Variants in TRDN observed in about 807,000 individuals in gnomAD.
TRDN encodes triadin in skeletal muscle.
In TRDN, 161 loss-of-function variants were observed where a neutral mutation model predicts 149.7. That is an observed-to-expected ratio of 1.08 (90% CI 0.95 to 1.23). The LOEUF (loss-of-function observed/expected upper bound fraction) is 1.23. TRDN is among the 50% of genes most tolerant of loss of function. TRDN has a pLI of 0.00. For missense variants in TRDN, 896 were observed against 823.5 expected (o/e 1.09, Z -1.08); for synonymous variants, 294 against 250.5 (o/e 1.17, Z -1.64).
chr6:123,268,464 A>T (rs1337741653), intron 31 of TRDN, among the ~76,000 whole-genome samples: 17 of 152,096 alleles, frequency 1.1e-4, no homozygotes, highest in Non-Finnish European at 2.4e-4. Context: ...AGTCAACCAT[A>T]TATGTGGGAT....
intron 1 of TRDN, among the ~76,000 whole-genome samples, chr6:123,628,693 A>C (rs1351597006): frequency 6.6e-6 from 1 of 152,126 alleles, no homozygotes; most frequent in Non-Finnish European, 1.5e-5. Flanking sequence ...ATGTTTTATA[A>C]TCTGTCCAGT....
intron 10 of TRDN, among the ~76,000 whole-genome samples, chr6:123,445,902 C>T (rs1256237365): frequency 7.2e-6 from 1 of 138,688 alleles, no homozygotes; most frequent in Admixed American, 7.1e-5. Context: ...ACCCAAAGGA[C>T]TATAAATCAT....
chr6:123,443,309 T>G (rs1363955532), intron 10 of TRDN, among the ~76,000 whole-genome samples: 2 of 151,502 alleles, frequency 1.3e-5, no homozygotes, highest in East Asian at 3.9e-4. Flanking sequence ...TTTTGAAAAT[T>G]AAAGCCTGAG....
At position 123,563,965 on chromosome 6, in the gene TRDN, C is replaced by T. The variant is rs530065271; in HGVS notation, c.232+6958G>A. On this transcript the variant is annotated intron_variant, in intron 2 of 40. Coordinates refer to ENST00000334268, the MANE Select transcript of TRDN (RefSeq NM_006073.4). The stretch of plus-strand genomic sequence containing the variant: ...TTAAAACAACAATAAAAACAATATC[C>T]GGTTTTACCACAATTTCAAAAGAGA... Among the ~76,000 whole-genome samples the T allele has an allele frequency of 7.2e-5, 11 of 152,210 alleles. 1 individual carries two copies. In the South Asian group the frequency reaches 1.2e-3, roughly 17 times the overall value.
intron 32 of TRDN, among the ~76,000 whole-genome samples, chr6:123,266,194 T>C (rs1353178421): frequency 1.2e-5 from 1 of 84,700 alleles, no homozygotes; most frequent in Non-Finnish European, 2.1e-5. Flanking sequence ...TATTATAATA[T>C]GTATTATATA....
chr6:123,581,328 T>G (rs1372481460), intron 1 of TRDN, among the ~76,000 whole-genome samples: 2 of 152,356 alleles, frequency 1.3e-5, no homozygotes, highest in East Asian at 3.9e-4. Context: ...TAGCATTTTT[T>G]GATGAATACT....
intron 10 of TRDN, among the ~76,000 whole-genome samples, chr6:123,459,266 C>A (rs889667552): frequency 6.6e-6 from 1 of 152,260 alleles, no homozygotes; most frequent in East Asian, 1.9e-4. Flanking sequence ...TTAATCAAGC[C>A]CCATGTCCTC....
At chr6:123,237,042 A>G (rs1287592055) in intron 38 of TRDN, among the ~76,000 whole-genome samples, 1 of 152,112 alleles carries the variant, frequency 6.6e-6, no homozygotes, top group African/African-American at 2.4e-5. Flanking sequence ...AATATGGTAT[A>G]GCTCTACTTA....
chr6:123,412,618 A>G (rs1307102902), intron 12 of TRDN, among the ~76,000 whole-genome samples: 1 of 152,148 alleles, frequency 6.6e-6, no homozygotes, highest in African/African-American at 2.4e-5. Context: ...GGGTCTCTTA[A>G]TGTTCTGTAA....
intron 9 of TRDN, among the ~76,000 whole-genome samples, chr6:123,469,140 A>G (rs1216558747): frequency 6.6e-6 from 1 of 152,202 alleles, no homozygotes; most frequent in East Asian, 1.9e-4. Context: ...TTACTTATGT[A>G]TTGGTATAAG....
intron 1 of TRDN, among the ~76,000 whole-genome samples, chr6:123,595,686 C>T (rs1159458479): frequency 6.6e-6 from 1 of 152,046 alleles, no homozygotes; most frequent in African/African-American, 2.4e-5. Context: ...CAAACTACTC[C>T]ATTATTATTA....
At chr6:123,377,583 C>T (rs763509106) in intron 18 of TRDN, 133 bp downstream of exon 18, 1 of 1,047,722 alleles carries the variant, frequency 9.5e-7, no homozygotes, top group Non-Finnish European at 1.4e-6. Context: ...ATGTCAAGAA[C>T]TTGGAAAAAA....
At position 123,252,392 on chromosome 6, in the gene TRDN, T is replaced by C. The variant is rs1172038731; in HGVS notation, c.1975+20A>G. ...ACTATGTATCAAAGAGAACTTGTCATTAATACAAACCGTACTTACTTGATA... is the reference window on the plus strand; with the variant it reads ...ACTATGTATCAAAGAGAACTTGTCACTAATACAAACCGTACTTACTTGATA... On this transcript the variant is annotated intron_variant, in intron 38 of 40. Coordinates refer to ENST00000334268, the MANE Select transcript of TRDN (RefSeq NM_006073.4). The C allele has an allele frequency of 6.8e-7, 1 of 1,461,432 alleles. No homozygotes were observed. Among genetic ancestry groups the C allele is most frequent in the Non-Finnish European group, 9.3e-7 (1 of 1,070,930 alleles). 90.5% of individuals were successfully genotyped at this position (1,461,432 alleles called of 1,614,324 possible).
chr6:123,551,213 T>G (rs1360839856), intron 2 of TRDN, among the ~76,000 whole-genome samples: 2 of 142,996 alleles, frequency 1.4e-5, no homozygotes, highest in East Asian at 3.9e-4. Context: ...GATATATATA[T>G]ATATATATAT....
At chr6:123,312,068 A>G (rs1778846228) in intron 24 of TRDN, among the ~76,000 whole-genome samples, 1 of 151,996 alleles carries the variant, frequency 6.6e-6, no homozygotes, top group South Asian at 2.1e-4. Flanking sequence ...CCAGAAACAC[A>G]TTGGCATTAG....
At chr6:123,423,942 A>C (rs533122387) in intron 12 of TRDN, among the ~76,000 whole-genome samples, 17 of 152,236 alleles carry the variant, frequency 1.1e-4, no homozygotes, top group Admixed American at 3.3e-4. Flanking sequence ...GCCCACACTC[A>C]TGGGGAAAGT....
intron 9 of TRDN, among the ~76,000 whole-genome samples, chr6:123,490,682 G>A (rs775791026): frequency 5.3e-5 from 8 of 152,160 alleles, no homozygotes; most frequent in Non-Finnish European, 4.4e-5. Flanking sequence ...TAAAATTCAT[G>A]TGCCAAAATC....
chr6:123,219,772 C>G (rs1328735480), intron 40 of TRDN, among the ~76,000 whole-genome samples: 1 of 151,720 alleles, frequency 6.6e-6, no homozygotes, highest in Non-Finnish European at 1.5e-5. Flanking sequence ...AGCAATAATA[C>G]AACTTCCGTC....
intron 1 of TRDN, among the ~76,000 whole-genome samples, chr6:123,571,336 C>T (rs573451181): frequency 7.2e-5 from 11 of 152,254 alleles, no homozygotes; most frequent in African/African-American, 2.4e-4. Context: ...AACTCGTGCG[C>T]TCATATAATC....
Sources: allele counts gnomAD v4.1 joint callset (sites outside exome capture counted in the v4.1 genomes callset), GRCh38; gene constraint gnomAD v4.1.1; transcripts MANE v1.5; gene names NCBI Gene and HGNC (gene_info 2026-07-23, HGNC 2026-07-21).